ACOT11: variants seen among roughly 807,000 people sequenced by gnomAD.
ACOT11 encodes acyl-CoA thioesterase 11.
ACOT11 carries 69 observed loss-of-function variants against 77.5 expected under a neutral mutation model. That is an observed-to-expected ratio of 0.89 (90% CI 0.73 to 1.09). The LOEUF (loss-of-function observed/expected upper bound fraction) is 1.09, where lower values mean the gene tolerates loss of function less well. Among genes scored for constraint, ACOT11 ranks in the 50% least tolerant of loss-of-function variants. The pLI is 0.00. For missense variants in ACOT11, 766 were observed against 813.7 expected, an observed-to-expected ratio of 0.94 and a Z score of 0.71; for synonymous variants, 279 against 313.0, an observed-to-expected ratio of 0.89 and a Z score of 1.15.
intron 1 of ACOT11, 171 bp downstream of exon 1, chr1:54,548,513 TCAG>T (rs1233373898): frequency 5.9e-6 from 5 of 849,748 alleles, no homozygotes; most frequent in African/African-American, 1.7e-5. Flanking sequence ...TGGTTTATTA[TCAG>T]CAGCAATCTC....
rs1654833326 is a variant in ACOT11, at chr1:54,594,680, C to T, written c.596C>T (p.Ala199Val). The T allele has an allele frequency of 6.2e-7, 1 of 1,612,492 alleles. No homozygotes were observed. The highest frequency in any genetic ancestry group is 8.5e-7 in the Non-Finnish European group (1 of 1,178,974). ...ATCAAGGACCTCCTGGCCAACTGCG[C>T]CATTCAGGGCGGTGAGCAGCTGCCA... ...DTIKDLLANC[A>V]IQGDLESRDC... Residue 199 changes from alanine to valine, a missense_variant, in exon 6 of 16, where the codon GCC becomes GTC. By Grantham distance (64) the Ala-to-Val change is moderately conservative. Transcript: ENST00000343744.
chr1:54,551,423 G>A (rs1653062702), intron 1 of ACOT11, among the ~76,000 whole-genome samples: 1 of 152,224 alleles, frequency 6.6e-6, no homozygotes, highest in Non-Finnish European at 1.5e-5. Flanking sequence ...GAACTGCTGA[G>A]TGCAGTGTGG....
chr1:54,623,443 C>T, intron 15 of ACOT11: 1 of 1,375,340 alleles, frequency 7.3e-7, no homozygotes, highest in Non-Finnish European at 1.0e-6. Context: ...GCCCAGAGTC[C>T]CTGAGGCTCC....
chr1:54,598,558 T>C (rs2664061), intron 7 of ACOT11: 132,310 of 152,258 alleles, frequency 0.87, 58,343 homozygotes, highest in Non-Finnish European at 0.95. Context: ...GGTAGAAGGC[T>C]GGCCCAAGCT....
chr1:54,598,182 C>T (rs529393832), intron 7 of ACOT11: 16 of 152,362 alleles, frequency 1.1e-4, no homozygotes, highest in African/African-American at 3.9e-4. Flanking sequence ...TTGGGCAGGC[C>T]TGGCTATGAG....
At chr1:54,611,742 G>A, downstream of ACOT11, 4 of 1,614,070 alleles carry the variant, frequency 2.5e-6, no homozygotes, top group Non-Finnish European at 3.4e-6. Flanking sequence ...GCGTCAGGCT[G>A]TACCTGGGGA....
intron 1 of ACOT11, among the ~76,000 whole-genome samples, chr1:54,558,822 C>T (rs1028437064): frequency 4.6e-5 from 7 of 152,270 alleles, no homozygotes; most frequent in South Asian, 2.1e-4. Flanking sequence ...GGCTTTCGAG[C>T]GCTGTGGGTC....
At chr1:54,615,534 C>A (rs570095782) in intron 15 of ACOT11, among the ~76,000 whole-genome samples, 94 of 151,796 alleles carry the variant, frequency 6.2e-4, no homozygotes, top group Non-Finnish European at 9.0e-4. Context: ...GAGGGAGGTC[C>A]TGGAGAGATA....
intron 1 of ACOT11, among the ~76,000 whole-genome samples, chr1:54,568,386 C>T (rs60547053): frequency 0.012 from 997 of 83,600 alleles, 10 homozygotes; most frequent in African/African-American, 0.046. Flanking sequence ...TTTTTTGAGA[C>T]GGAGTTTTGT....
chr1:54,572,136 C>T (rs184785150), intron 1 of ACOT11, among the ~76,000 whole-genome samples: 1 of 152,052 alleles, frequency 6.6e-6, no homozygotes, highest in Admixed American at 6.5e-5. Flanking sequence ...CCCTGCCAGC[C>T]TCTGTTTTTC....
chr1:54,559,799 C>T (rs1172512704), intron 1 of ACOT11, among the ~76,000 whole-genome samples: 2 of 152,212 alleles, frequency 1.3e-5, no homozygotes. Context: ...TGGTATGAAG[C>T]CACTGTGATC....
At chr1:54,558,671 C>T (rs1653354777) in intron 1 of ACOT11, among the ~76,000 whole-genome samples, 1 of 152,198 alleles carries the variant, frequency 6.6e-6, no homozygotes, top group Admixed American at 6.5e-5. Flanking sequence ...ATCTGAGCAG[C>T]TGAATAGGGG....
chr1:54,604,432 A>G lies in ACOT11; in HGVS notation c.1236+3A>G. Reference sequence around the variant, plus strand: ...TGCTGTCCTCGGAGATCAGTCAGGTAGCTGACCCCACCCACCCAATTTTCC... The same window carrying G: ...TGCTGTCCTCGGAGATCAGTCAGGTGGCTGACCCCACCCACCCAATTTTCC... On this transcript the variant is annotated splice_donor_region_variant and intron_variant, in intron 12 of 15. Transcript: ENST00000343744. 6 of 1,613,946 alleles carry G rather than the reference A, an allele frequency of 3.7e-6. No individual in the cohort carries two copies. The highest frequency in any genetic ancestry group is 4.2e-6 in the Non-Finnish European group (5 of 1,179,926).
chr1:54,589,149 T>C (rs1020708385), intron 3 of ACOT11, among the ~76,000 whole-genome samples: 1 of 151,824 alleles, frequency 6.6e-6, no homozygotes, highest in Non-Finnish European at 1.5e-5. Context: ...CCCGAGTAGG[T>C]GGGATTACAG....
intron 8 of ACOT11, among the ~76,000 whole-genome samples, chr1:54,600,193 G>A (rs1397201975): frequency 2.0e-5 from 3 of 152,134 alleles, no homozygotes; most frequent in Non-Finnish European, 2.9e-5. Flanking sequence ...GTTCTGCCAC[G>A]GTGCAGGGGA....
chr1:54,560,188 T>C (rs1225197426), intron 1 of ACOT11, among the ~76,000 whole-genome samples: 2 of 152,150 alleles, frequency 1.3e-5, no homozygotes, highest in Non-Finnish European at 2.9e-5. Context: ...AAACCTACTA[T>C]GGCAGCACAG....
In ACOT11 at chr1:54,604,142, A is replaced by G. The variant is rs184655918; in HGVS notation, c.1153-204A>G. Among the ~76,000 whole-genome samples, 31 of 152,202 alleles carry G rather than the reference A, an allele frequency of 2.0e-4. 1 individual carries two copies. Among genetic ancestry groups the G allele is most frequent in the Admixed American group, 1.9e-3 (29 of 15,302 alleles). ...CCCTGAGAGGCAGAGTAGCTTGTCTAGGGTCACACAGTGGGTCTAGCCAAG... is the reference window on the plus strand; with the variant it reads ...CCCTGAGAGGCAGAGTAGCTTGTCTGGGGTCACACAGTGGGTCTAGCCAAG... On this transcript the variant is annotated intron_variant, in intron 11 of 15. Transcript: ENST00000343744.
chr1:54,628,662 G>T (rs1644284560), intron 15 of ACOT11, among the ~76,000 whole-genome samples: 1 of 123,108 alleles, frequency 8.1e-6, no homozygotes, highest in East Asian at 2.5e-4. Flanking sequence ...AATTTGTACT[G>T]CTTAGGTGGT....
Position 54,584,982 on chromosome 1 carries a change from C to G in ACOT11, c.241+120C>G. 4 of 1,101,684 alleles carry G rather than the reference C, an allele frequency of 3.6e-6. No homozygotes were observed. Among genetic ancestry groups the G allele is most frequent in the Non-Finnish European group, 5.1e-6 (4 of 776,900 alleles). 68.2% of individuals were successfully genotyped at this position (1,101,684 alleles called of 1,614,324 possible). On this transcript the variant is annotated intron_variant, in intron 2 of 15. Transcript: ENST00000343744. The surrounding 1 kb of genome is among the most constrained non-coding windows in gnomAD (Gnocchi z 6.3). ...CACTTGTTTCTCATCTTGGCCTTTGCTCATGCTGGTCCCTTTGTCTGAAAT... is the reference window on the plus strand; with the variant it reads ...CACTTGTTTCTCATCTTGGCCTTTGGTCATGCTGGTCCCTTTGTCTGAAAT...
Sources: gnomAD v4.1 joint callset for allele counts (sites outside exome capture counted in the v4.1 genomes callset) on GRCh38, gnomAD v4.1.1 for gene constraint, Gnocchi (gnomAD v3.1) non-coding constraint, MANE v1.5 for transcripts, NCBI Gene and HGNC (gene_info 2026-07-23, HGNC 2026-07-21) for gene names.